The following JADE3 variants were observed in gnomAD, a reference collection of about 807,000 sequenced individuals.
JADE3 encodes protein Jade-3.
Under a neutral mutation model 50.1 loss-of-function variants are expected in JADE3, and 2 were observed. The observed-to-expected ratio is 0.04, with a 90% CI of 0.02 to 0.13. JADE3 has a LOEUF of 0.13. Ranked by LOEUF, JADE3 falls within the 10% of genes least tolerant of loss-of-function variation. The pLI is 1.00. For missense variants in JADE3, 475 were observed against 634.4 expected (o/e 0.75, Z 2.70); for synonymous variants, 218 against 232.9 (o/e 0.94, Z 0.58).
At chrX:47,004,853 A>G (rs1928374361) in intron 4 of JADE3, among the ~76,000 whole-genome samples, 1 of 112,644 alleles carries the variant, frequency 8.9e-6, no homozygotes, top group Non-Finnish European at 1.9e-5. Context: ...ATTTACATGT[A>G]TAGAATGGCT....
intron 8 of JADE3, among the ~76,000 whole-genome samples, chrX:47,052,351 G>T (rs1159491326): frequency 4.6e-5 from 5 of 109,652 alleles, no homozygotes; most frequent in African/African-American, 1.7e-4. Flanking sequence ...TCCACAGTGG[G>T]CCAGGCACAG....
At chrX:46,923,293 G>T (rs868909043) in intron 1 of JADE3, among the ~76,000 whole-genome samples, 23 of 107,834 alleles carry the variant, frequency 2.1e-4, no homozygotes, top group African/African-American at 7.7e-4. Flanking sequence ...GGGATTACAA[G>T]TGTGAGCCAC....
At chrX:46,963,738 C>A (rs1220031433) in intron 1 of JADE3, among the ~76,000 whole-genome samples, 5 of 111,239 alleles carry the variant, frequency 4.5e-5, no homozygotes, top group Non-Finnish European at 9.4e-5. Flanking sequence ...CAGGCTAGCC[C>A]AGACTTGTTC....
chrX:47,000,740 C>T (rs1355463803), intron 4 of JADE3, among the ~76,000 whole-genome samples: 1 of 110,289 alleles, frequency 9.1e-6, no homozygotes, highest in Non-Finnish European at 1.9e-5. Flanking sequence ...TTAATAGAGA[C>T]GGGGTTTCAC....
chrX:47,049,181 CTTTTTTT>C (rs376747614), intron 8 of JADE3, among the ~76,000 whole-genome samples: 4 of 77,561 alleles, frequency 5.2e-5, no homozygotes, highest in Non-Finnish European at 9.3e-5. Flanking sequence ...CTTTCTTCTT[CTTTTTTT>C]TTTTTTTTTT....
At chrX:47,035,988 C>CA (rs1276530949) in intron 7 of JADE3, among the ~76,000 whole-genome samples, 4 of 109,869 alleles carry the variant, frequency 3.6e-5, no homozygotes, top group Admixed American at 1.9e-4. Context: ...ACTACAAATA[C>CA]AAAAAATTAG....
intron 1 of JADE3, among the ~76,000 whole-genome samples, chrX:46,974,362 G>T (rs995043081): frequency 9.0e-6 from 1 of 110,644 alleles, no homozygotes; most frequent in Non-Finnish European, 1.9e-5. Flanking sequence ...CCAAGATCGC[G>T]CCACTGTACT....
chrX:47,029,884 C>T (rs180749912), intron 6 of JADE3, among the ~76,000 whole-genome samples: 5 of 111,633 alleles, frequency 4.5e-5, no homozygotes, highest in East Asian at 5.6e-4. Context: ...TTCTGAAAAA[C>T]GCATGTTTTT....
At chrX:46,983,453 A>G (rs1008402786) in intron 1 of JADE3, among the ~76,000 whole-genome samples, 1 of 110,863 alleles carries the variant, frequency 9.0e-6, no homozygotes, top group South Asian at 3.9e-4. Context: ...CCTCCATCCC[A>G]TGAGTTGGGG....
chrX:46,999,288 A>G (rs1556358279), intron 4 of JADE3, among the ~76,000 whole-genome samples: 2 of 107,914 alleles, frequency 1.9e-5, no homozygotes, highest in East Asian at 2.9e-4. Flanking sequence ...TCAATACCCA[A>G]TTATCTCTTA....
At chrX:46,926,216 C>G (rs1057173361) in intron 1 of JADE3, among the ~76,000 whole-genome samples, 3 of 106,307 alleles carry the variant, frequency 2.8e-5, no homozygotes, top group Non-Finnish European at 5.8e-5. Flanking sequence ...AAAAATTATA[C>G]AGTAGGTTGG....
At chrX:46,913,211 G>A in intron 1 of JADE3, among the ~76,000 whole-genome samples, 1 of 111,210 alleles carries the variant, frequency 9.0e-6, no homozygotes, top group Non-Finnish European at 1.9e-5. Context: ...GCGAGGGCGC[G>A]CCCTGGCTGT....
At chrX:46,917,866 TC>T (rs1926136402) in intron 1 of JADE3, among the ~76,000 whole-genome samples, 1 of 101,245 alleles carries the variant, frequency 9.9e-6, no homozygotes, top group African/African-American at 3.7e-5. Flanking sequence ...ATCCTCTCTC[TC>T]TCTCTCTCTC....
At chrX:46,993,089 C>T (rs781823519) in intron 3 of JADE3, among the ~76,000 whole-genome samples, 1 of 111,848 alleles carries the variant, frequency 8.9e-6, no homozygotes, top group South Asian at 3.7e-4. Flanking sequence ...ATAATCCCAG[C>T]ACTTTGGGAG....
intron 7 of JADE3, among the ~76,000 whole-genome samples, chrX:47,036,239 C>T (rs1929130447): frequency 9.0e-6 from 1 of 110,939 alleles, no homozygotes; most frequent in Non-Finnish European, 1.9e-5. Flanking sequence ...TGGATATTAG[C>T]CCTTTGTCAG....
chrX:47,049,116 C>T (rs1255028816), intron 8 of JADE3, among the ~76,000 whole-genome samples: 3 of 110,290 alleles, frequency 2.7e-5, no homozygotes, highest in Admixed American at 9.7e-5. Context: ...TAATAGAATG[C>T]GCCAGACATA....
intron 1 of JADE3, among the ~76,000 whole-genome samples, chrX:46,966,252 C>T (rs1927364860): frequency 8.9e-6 from 1 of 112,120 alleles, no homozygotes; most frequent in Non-Finnish European, 1.9e-5. Flanking sequence ...AACATAGTTT[C>T]CTCAGTGTTG....
At chrX:46,918,132 G>T (rs1049118067) in intron 1 of JADE3, among the ~76,000 whole-genome samples, 4 of 111,363 alleles carry the variant, frequency 3.6e-5, no homozygotes, top group African/African-American at 3.3e-5. Context: ...CTAGAAGGAG[G>T]TTTAATTAGG....
intron 1 of JADE3, among the ~76,000 whole-genome samples, chrX:46,955,786 T>A (rs782207036): frequency 2.6e-4 from 29 of 110,913 alleles, no homozygotes; most frequent in Non-Finnish European, 5.1e-4. Context: ...AGACAGGTGG[T>A]TGTCTGACTC....
Sources: gnomAD v4.1 joint callset for allele counts (sites outside exome capture counted in the v4.1 genomes callset) on GRCh38, gnomAD v4.1.1 for gene constraint, MANE v1.5 for transcripts, NCBI Gene and HGNC (gene_info 2026-07-23, HGNC 2026-07-21) for gene names.